The following DOCK1 variants were observed in gnomAD, a reference collection of about 807,000 sequenced individuals.
The protein encoded by DOCK1 is dedicator of cytokinesis protein 1.
Under a neutral mutation model 262.7 loss-of-function variants are expected in DOCK1, and 138 were observed. The ratio of observed to expected loss-of-function variants is 0.53; its 90% CI spans 0.46 to 0.61. The LOEUF (loss-of-function observed/expected upper bound fraction) is 0.61, where lower values mean the gene tolerates loss of function less well. DOCK1 is among the 20% of genes least tolerant of loss of function. The pLI is 0.00. For synonymous variants in DOCK1, 866 were observed against 867.4 expected (o/e 1.00, Z 0.03); for missense variants, 1,908 against 2,370.7 (o/e 0.80, Z 4.05).
chr10:126,981,248 C>T (rs1373244926), intron 3 of DOCK1, among the ~76,000 whole-genome samples: 1 of 152,154 alleles, frequency 6.6e-6, no homozygotes, highest in African/African-American at 2.4e-5. Context: ...CGGACCCAAA[C>T]TCTTGATAAA....
In DOCK1 at chr10:127,063,378, A is replaced by G. The variant is rs1288304743; in HGVS notation, c.2445+1602A>G. ...TTGCTGTGACCAAGGAAACCAGCAT[A>G]AGTAGACATGAATCAAGTCGGAGCC... On this transcript the variant is annotated intron_variant, in intron 23 of 51. Coordinates refer to ENST00000623213, the MANE Select transcript of DOCK1 (RefSeq NM_001290223.2). Among the ~76,000 whole-genome samples, 5 of 152,184 alleles carry G rather than the reference A, an allele frequency of 3.3e-5. No homozygotes were observed. In the East Asian group the frequency reaches 9.6e-4, roughly 29 times the overall value.
intron 3 of DOCK1, among the ~76,000 whole-genome samples, chr10:126,980,037 T>C (rs1407189813): frequency 1.3e-5 from 2 of 151,932 alleles, no homozygotes; most frequent in African/African-American, 2.4e-5. Context: ...CTGGGACTGG[T>C]TTTTTGTTTT....
chr10:127,275,946 CG>C (rs2060725752), intron 29 of DOCK1, among the ~76,000 whole-genome samples: 2 of 152,246 alleles, frequency 1.3e-5, no homozygotes, highest in Non-Finnish European at 2.9e-5. Flanking sequence ...CCACGCATGG[CG>C]TACAGGCCGC....
At chr10:127,129,502 G>A (rs1026798049) in intron 27 of DOCK1, among the ~76,000 whole-genome samples, 3 of 152,118 alleles carry the variant, frequency 2.0e-5, no homozygotes, top group Admixed American at 2.0e-4. Flanking sequence ...AAACACATTT[G>A]GAACACATTA....
chr10:127,118,025 A>G (rs1205724465), intron 25 of DOCK1, among the ~76,000 whole-genome samples: 1 of 152,100 alleles, frequency 6.6e-6, no homozygotes, highest in Admixed American at 6.5e-5. Context: ...TGACATATGT[A>G]TTTTATTGTC....
At chr10:126,992,631 G>A (rs1234131716) in intron 6 of DOCK1, among the ~76,000 whole-genome samples, 3 of 152,002 alleles carry the variant, frequency 2.0e-5, no homozygotes, top group Non-Finnish European at 2.9e-5. Flanking sequence ...CTGGGTGGAG[G>A]GGTTTGAGGA....
rs2070977994 is a variant in DOCK1 at position 127,451,617 on chromosome 10, G to A, written c.*190G>A. The A allele has an allele frequency of 7.3e-7, 1 of 1,372,272 alleles. No homozygotes were observed. The highest frequency in any genetic ancestry group is 1.9e-4 in the Middle Eastern group (1 of 5,326). The allele number at this position is 1,372,272 out of a possible 1,614,324, so 85.0% of individuals were successfully genotyped here. A position where few individuals can be genotyped will look rare whatever the true frequency, so the allele number is the denominator to read the frequency against. ...GCCTTTAGCGTCATGGAGCAAGGTG[G>A]GTCTGGGAGGTAGATATGGGTCCGG... On this transcript the variant is annotated 3_prime_UTR_variant, in exon 52 of 52. Coordinates refer to ENST00000623213, the MANE Select transcript of DOCK1 (RefSeq NM_001290223.2).
At chr10:126,976,174 C>T (rs1251890829) in intron 2 of DOCK1, among the ~76,000 whole-genome samples, 1 of 152,140 alleles carries the variant, frequency 6.6e-6, no homozygotes, top group Admixed American at 6.5e-5. Context: ...TATATGAGCA[C>T]TGTGTCATAG....
At chr10:127,215,188 G>A (rs1208579398) in intron 27 of DOCK1, among the ~76,000 whole-genome samples, 1 of 152,132 alleles carries the variant, frequency 6.6e-6, no homozygotes, top group Non-Finnish European at 1.5e-5. Context: ...GACAGCTTGT[G>A]TAATCATGTT....
chr10:127,232,615 C>A (rs2134581320), intron 27 of DOCK1, among the ~76,000 whole-genome samples: 1 of 152,292 alleles, frequency 6.6e-6, no homozygotes, highest in Non-Finnish European at 1.5e-5. Context: ...ACAAATGCCT[C>A]CTGTTGACCC....
At chr10:127,133,349 T>G (rs2050438290) in intron 27 of DOCK1, among the ~76,000 whole-genome samples, 1 of 152,246 alleles carries the variant, frequency 6.6e-6, no homozygotes, top group South Asian at 2.1e-4. Flanking sequence ...AGTATGAATG[T>G]GTTTTAAAAA....
At chr10:127,148,320 G>A (rs1639480520) in intron 27 of DOCK1, among the ~76,000 whole-genome samples, 1 of 152,210 alleles carries the variant, frequency 6.6e-6, no homozygotes, top group Admixed American at 6.5e-5. Flanking sequence ...TGGTCACTCA[G>A]GGCTTGCAAC....
intron 29 of DOCK1, among the ~76,000 whole-genome samples, chr10:127,329,154 G>A (rs2062867740): frequency 6.6e-6 from 1 of 152,086 alleles, no homozygotes; most frequent in South Asian, 2.1e-4. Context: ...TATGGAACTA[G>A]GAAAAGACTC....
At chr10:127,422,374 C>T (rs560511026) in intron 46 of DOCK1, among the ~76,000 whole-genome samples, 61 of 151,788 alleles carry the variant, frequency 4.0e-4, no homozygotes, top group African/African-American at 1.4e-3. Flanking sequence ...ACCATGTTGG[C>T]CAGGATGGTC....
At chr10:127,401,705 A>G (rs1318534234) in intron 38 of DOCK1, among the ~76,000 whole-genome samples, 11 of 149,170 alleles carry the variant, frequency 7.4e-5, no homozygotes, top group Non-Finnish European at 1.5e-4. Flanking sequence ...TCTGTGACCA[A>G]TTATTATTTT....
chr10:127,133,599 G>T (rs527907768), intron 27 of DOCK1, among the ~76,000 whole-genome samples: 193 of 152,234 alleles, frequency 1.3e-3, no homozygotes, highest in Middle Eastern at 3.4e-3. Flanking sequence ...TTTTTTCAAG[G>T]TTGGTTACTA....
intron 28 of DOCK1, among the ~76,000 whole-genome samples, chr10:127,248,468 T>C (rs2059506560): frequency 6.6e-6 from 1 of 152,228 alleles, no homozygotes; most frequent in South Asian, 2.1e-4. Flanking sequence ...GGTTGACTTT[T>C]TAATAGCAGA....
At chr10:126,979,535 T>C (rs930042454) in intron 3 of DOCK1, among the ~76,000 whole-genome samples, 2 of 152,156 alleles carry the variant, frequency 1.3e-5, no homozygotes, top group African/African-American at 4.8e-5. Flanking sequence ...GCTGTTCCTT[T>C]TTCTTTGAAT....
At chr10:127,431,090 C>T (rs11018079) in intron 47 of DOCK1, among the ~76,000 whole-genome samples, 41,214 of 151,664 alleles carry the variant, frequency 0.27, 5,818 homozygotes, top group African/African-American at 0.33. Context: ...GCTGGGGCTC[C>T]GAGTGGCTCG....
Sources: gnomAD v4.1 joint callset for allele counts (sites outside exome capture counted in the v4.1 genomes callset) on GRCh38, gnomAD v4.1.1 for gene constraint, MANE v1.5 for transcripts, NCBI Gene and HGNC (gene_info 2026-07-23, HGNC 2026-07-21) for gene names.